IL11RA: variants seen among roughly 807,000 people sequenced by gnomAD.
The protein encoded by IL11RA is interleukin-11 receptor subunit alpha.
A neutral mutation model predicts 57.0 loss-of-function variants in IL11RA; 51 were observed. The observed-to-expected ratio is 0.89, with a 90% CI of 0.71 to 1.13. IL11RA has a LOEUF of 1.13. IL11RA is among the 50% of genes most tolerant of loss of function. The probability of loss-of-function intolerance (pLI) is 0.00; values close to 1 mark genes in which losing one functional copy is unlikely to be tolerated. For synonymous variants in IL11RA, 199 were observed against 217.5 expected (o/e 0.91, Z 0.75); for missense variants, 498 against 539.4 (o/e 0.92, Z 0.76).
rs373968379 is a variant in IL11RA at position 34,660,474 on chromosome 9, C to T, written c.1073-30C>T. On this transcript the variant is annotated intron_variant, in intron 10 of 12. Coordinates refer to ENST00000441545, the MANE Select transcript of IL11RA (RefSeq NM_001142784.3). ...GGGACACCGAGCTTGGTCAGGCTTG[C>T]TCTCAGTGACATGTGGCCCTCCCCC... 35 of 1,613,746 alleles carry T rather than the reference C, an allele frequency of 2.2e-5. No homozygotes were observed. In the African/African-American group the frequency reaches 3.6e-4, roughly 17 times the overall value.
At position 34,657,615 on chromosome 9, in the gene IL11RA, G is replaced by T. The variant is rs534005470; in HGVS notation, c.646+28G>T. 15 of 1,592,660 alleles carry T rather than the reference G, an allele frequency of 9.4e-6. No individual in the cohort carries two copies. The South Asian group carries it at 1.6e-4, about 16-fold the overall frequency. ...GAGTACCCACCCCAGACCTCCCCCA[G>T]ACCCCCATCACAGAGACCCCAAATG... On this transcript the variant is annotated intron_variant, in intron 7 of 12. Coordinates refer to ENST00000441545, the MANE Select transcript of IL11RA (RefSeq NM_001142784.3).
intron 10 of IL11RA, 48 bp from the exon 11 acceptor site, chr9:34,660,452 ACACC>A: frequency 6.2e-7 from 1 of 1,613,950 alleles, no homozygotes; most frequent in Admixed American, 1.7e-5. Context: ...AGAAAAGGGG[ACACC>A]GAGCTTGGTC....
Position 34,657,044 on chromosome 9 carries a change from C to A in IL11RA, c.341C>A (p.Ala114Asp). Residue 114 changes from alanine (A) to aspartate (D), a missense_variant, in exon 5 of 13, where the codon GCC (alanine) becomes GAC (aspartate). Physicochemically the swap from Ala to Asp is moderately radical, Grantham distance 126 (BLOSUM62 -2). Transcript: ENST00000441545. ...TACCCTCTGCCTCTAGACCCTCCAG[C>A]CCGCCCTGTTGTCTCCTGCCAAGCA... Reference protein sequence around the residue: ...TVTLQLGYPPARPVVSCQAAD... With the variant: ...TVTLQLGYPPDRPVVSCQAAD... 1.9e-6 allele frequency: 3 copies of A among 1,614,118 alleles called. No homozygotes were observed. The highest frequency in any genetic ancestry group is 2.5e-6 in the Non-Finnish European group (3 of 1,179,998).
At chr9:34,655,581 T>G (rs1587245354) in intron 2 of IL11RA, 24 bp from the exon 3 acceptor site, 1 of 1,612,264 alleles carries the variant, frequency 6.2e-7, no homozygotes, top group Non-Finnish European at 8.5e-7. Context: ...AGGAAGAGCC[T>G]TACCTCAGAA....
chr9:34,661,689 T>C lies in IL11RA; in HGVS notation c.*191T>C. ...TTGTACCTCTGATTTCACCCCAGAG[T>C]TGGAGTTCTGCTCAAGGAACGTGTG... On this transcript the variant is annotated 3_prime_UTR_variant, in exon 13 of 13. Coordinates refer to ENST00000441545, the MANE Select transcript of IL11RA (RefSeq NM_001142784.3). 3 of 744,810 alleles carry C rather than the reference T, an allele frequency of 4.0e-6. No homozygotes were observed. The highest frequency in any genetic ancestry group is 4.1e-5 in the Admixed American group (2 of 48,750). 46.1% of individuals were successfully genotyped at this position (744,810 alleles called of 1,614,324 possible). A position where few individuals can be genotyped will look rare whatever the true frequency, so the allele number is the denominator to read the frequency against.
At chr9:34,659,981 G>T in intron 9 of IL11RA, 81 bp downstream of exon 9, 3 of 1,522,926 alleles carry the variant, frequency 2.0e-6, no homozygotes, top group South Asian at 1.2e-5. Context: ...AAGACAGGCA[G>T]GTGGCACATG....
In IL11RA at chr9:34,655,595, C is replaced by T. The variant is rs752564244; in HGVS notation, c.101-10C>T. 2 of 1,613,702 alleles carry T rather than the reference C, an allele frequency of 1.2e-6. No homozygotes were observed. Among genetic ancestry groups the T allele is most frequent in the South Asian group, 1.1e-5 (1 of 91,072 alleles). On this transcript the variant is annotated splice_polypyrimidine_tract_variant and intron_variant, in intron 2 of 12. Transcript: ENST00000441545. ...AAGGAAGAGCCTTACCTCAGAAGTGCCCTCCACAGGGGTCCAGTATGGGCA... is the reference window on the plus strand; with the variant it reads ...AAGGAAGAGCCTTACCTCAGAAGTGTCCTCCACAGGGGTCCAGTATGGGCA...
In IL11RA at chr9:34,661,633, C is replaced by A; in HGVS notation, c.*135C>A. The A allele has an allele frequency of 1.0e-6, 1 of 990,274 alleles. No individual in the cohort carries two copies. The highest frequency in any genetic ancestry group is 1.6e-6 in the Non-Finnish European group (1 of 624,584). The allele number at this position is 990,274 out of a possible 1,614,324, so 61.3% of individuals were successfully genotyped here. On this transcript the variant is annotated 3_prime_UTR_variant, in exon 13 of 13. Coordinates refer to ENST00000441545, the MANE Select transcript of IL11RA (RefSeq NM_001142784.3). ...TGTTTGGAGCCCATTTCTGTGAGAC[C>A]CTGTATTTCAAATTTGCAGCTGAAA...
intron 12 of IL11RA, 79 bp downstream of exon 12, chr9:34,661,015 C>G (rs1233658799): frequency 8.4e-7 from 1 of 1,188,654 alleles, no homozygotes. Flanking sequence ...GCTGGCTGCC[C>G]TAGTCATTTT....
intron 2 of IL11RA, 103 bp from the exon 3 acceptor site, chr9:34,655,502 C>T (rs2812358): frequency 3.9e-6 from 4 of 1,032,808 alleles, no homozygotes; most frequent in African/African-American, 3.1e-5. Flanking sequence ...ATCCAGTGAG[C>T]CCCCCACCAC....
rs1587247064 is a variant in IL11RA, at chr9:34,657,499, G to A, written c.558G>A (p.Glu186=). Residue 186 remains glutamate (E), a synonymous_variant, in exon 7 of 13, where the codon GAG becomes GAA. Transcript: ENST00000441545. The part of the protein sequence containing the change: ...GAARCVVHGA[E]FWSQYRINVT... The stretch of plus-strand genomic sequence containing the variant: ...CCCGCTGTGTTGTCCACGGGGCTGA[G>A]TTCTGGAGCCAGTACCGGATTAATG... 1 of 1,614,246 alleles carries A rather than the reference G, an allele frequency of 6.2e-7. No individual in the cohort carries two copies. The highest frequency in any genetic ancestry group is 2.2e-5 in the East Asian group (1 of 44,890).
rs758072753 is a variant in IL11RA, at chr9:34,653,280, G to C, written c.-1+1047G>C. Among the ~76,000 whole-genome samples, 1 of 152,196 alleles carries C rather than the reference G, an allele frequency of 6.6e-6. No homozygotes were observed. The highest frequency in any genetic ancestry group is 1.5e-5 in the Non-Finnish European group (1 of 68,036). ...AGTCTGAGGCGGTGTGGCTGTGCCC[G>C]TGTGACTGTGAGTGACCGCATGTGA... is the stretch of plus-strand genomic sequence containing the variant. On this transcript the variant is annotated intron_variant, in intron 1 of 12. Coordinates refer to ENST00000441545, the MANE Select transcript of IL11RA (RefSeq NM_001142784.3). This position sits in a 1 kb window ranked among gnomAD's most constrained non-coding sequence, Gnocchi z 4.5.
intron 1 of IL11RA, chr9:34,654,885 C>T (rs1025390811): frequency 4.6e-5 from 15 of 326,494 alleles, no homozygotes; most frequent in African/African-American, 1.3e-4. Flanking sequence ...CAGGGGTGGG[C>T]GCCAAGGGCA....
At chr9:34,660,724 C>G (rs1190667245) in intron 11 of IL11RA, 124 bp downstream of exon 11, 3 of 1,156,584 alleles carry the variant, frequency 2.6e-6, no homozygotes, top group Non-Finnish European at 3.9e-6. Flanking sequence ...AACTACCTCC[C>G]CATACCTCCA....
chr9:34,659,684 G>T lies in IL11RA; in HGVS notation c.811-75G>T, dbSNP rs892789414. On this transcript the variant is annotated intron_variant, in intron 8 of 12. Coordinates refer to ENST00000441545, the MANE Select transcript of IL11RA (RefSeq NM_001142784.3). ...TTTAGGATGAGACTGGGAGCAAGGG[G>T]TGCTCTTTGTAGATGGTGGCTGGGA... is the stretch of plus-strand genomic sequence containing the variant. 12 of 1,571,214 alleles carry T rather than the reference G, an allele frequency of 7.6e-6. No individual in the cohort carries two copies. In the African/African-American group the frequency reaches 1.6e-4, roughly 21 times the overall value.
chr9:34,655,231 G>A lies in IL11RA; in HGVS notation c.14G>A (p.Cys5Tyr). The change falls in exon 2 of 13, where the codon TGC (cysteine) becomes TAC (tyrosine). Residue 5 changes from cysteine to tyrosine, a missense_variant. Coordinates refer to ENST00000441545, the MANE Select transcript of IL11RA (RefSeq NM_001142784.3). MSSS[C>Y]SGLSRVLVAV... ...CTCTCCCCACAGATGAGCAGCAGCTGCTCAGGGCTGAGCAGGGTCCTGGTG... is the reference window on the plus strand; with the variant it reads ...CTCTCCCCACAGATGAGCAGCAGCTACTCAGGGCTGAGCAGGGTCCTGGTG... 6.2e-7 allele frequency: 1 copy of A among 1,611,440 alleles called. No homozygotes were observed. Among genetic ancestry groups the A allele is most frequent in the African/African-American group, 1.3e-5 (1 of 74,916 alleles).
Position 34,660,499 on chromosome 9 carries a change from C to T in IL11RA, c.1073-5C>T, listed in dbSNP as rs774567366. On this transcript the variant is annotated splice_region_variant and splice_polypyrimidine_tract_variant and intron_variant, in intron 10 of 12. Transcript: ENST00000441545. ...CTCTCAGTGACATGTGGCCCTCCCCCTCAGATCACAGGGACTCTGTGGAGC... is the reference window on the plus strand; with the variant it reads ...CTCTCAGTGACATGTGGCCCTCCCCTTCAGATCACAGGGACTCTGTGGAGC... 3.5e-5 allele frequency: 56 copies of T among 1,614,070 alleles called. 2 individuals are homozygous for T. Among genetic ancestry groups the T allele is most frequent in the South Asian group, 6.6e-5 (6 of 91,086 alleles).
At position 34,661,477 on chromosome 9, in the gene IL11RA, T is replaced by C. The variant is rs571983804; in HGVS notation, c.1253-5T>C. The C allele has an allele frequency of 5.5e-5, 88 of 1,613,710 alleles. 1 individual carries two copies. In the South Asian group the frequency reaches 8.6e-4, roughly 16 times the overall value. ...CTCTCCTGATTTGCCTCCTGCTTCT[T>C]CTAGGAGCTCCAAACCTGTAGAGGA... On this transcript the variant is annotated splice_polypyrimidine_tract_variant and splice_region_variant and intron_variant, in intron 12 of 12. Coordinates refer to ENST00000441545, the MANE Select transcript of IL11RA (RefSeq NM_001142784.3).
In IL11RA at chr9:34,657,437, G is replaced by A; in HGVS notation, c.496G>A (p.Gly166Arg). The A allele has an allele frequency of 6.2e-7, 1 of 1,614,192 alleles. No individual in the cohort carries two copies. Among genetic ancestry groups the A allele is most frequent in the Non-Finnish European group, 8.5e-7 (1 of 1,180,020 alleles). Reference protein sequence around the residue: ...ADSQRRSPSTGPWPCPQDPLG... With the variant: ...ADSQRRSPSTRPWPCPQDPLG... ...CCCTTCTAGGAGGAGTCCATCCACA[G>A]GGCCCTGGCCATGCCCACAGGATCC... Residue 166 changes from glycine to arginine, a missense_variant, in exon 7 of 13, where the codon GGG (glycine) becomes AGG (arginine). Transcript: ENST00000441545.
Sources: allele counts gnomAD v4.1 joint callset (sites outside exome capture counted in the v4.1 genomes callset), GRCh38; gene constraint gnomAD v4.1.1; non-coding constraint Gnocchi (gnomAD v3.1); transcripts MANE v1.5; gene names NCBI Gene and HGNC (gene_info 2026-07-23, HGNC 2026-07-21).